The following CTTNBP2NL variants were observed in gnomAD, a reference collection of about 807,000 sequenced individuals.
CTTNBP2NL encodes the protein CTTNBP2 N-terminal like.
Under a neutral mutation model 32.5 loss-of-function variants are expected in CTTNBP2NL, and 16 were observed. That is an observed-to-expected ratio of 0.49 (90% CI 0.33 to 0.75). The LOEUF (loss-of-function observed/expected upper bound fraction) is 0.75, where lower values mean the gene tolerates loss of function less well. CTTNBP2NL is among the 30% of genes least tolerant of loss of function. The pLI is 0.02. For missense variants in CTTNBP2NL, 645 were observed against 756.0 expected, an observed-to-expected ratio of 0.85 and a Z score of 1.72; for synonymous variants, 298 against 289.4, an observed-to-expected ratio of 1.03 and a Z score of -0.30.
At chr1:112,451,447 T>A (rs1570745623) in intron 4 of CTTNBP2NL, among the ~76,000 whole-genome samples, 1 of 149,656 alleles carries the variant, frequency 6.7e-6, no homozygotes, top group Non-Finnish European at 1.5e-5. Flanking sequence ...TGTGCAGGAA[T>A]CAGGGTGAAG....
Position 112,435,185 on chromosome 1 carries a change from C to A in CTTNBP2NL, c.100-13757C>A, listed in dbSNP as rs964818768. Among the ~76,000 whole-genome samples, 7 of 145,292 alleles carry A rather than the reference C, an allele frequency of 4.8e-5. No homozygotes were observed. In the Admixed American group the frequency reaches 4.9e-4, roughly 10 times the overall value. On this transcript the variant is annotated intron_variant, in intron 3 of 5. Coordinates refer to ENST00000271277, the MANE Select transcript of CTTNBP2NL (RefSeq NM_018704.3). ...AAAAGAAGTGTACCCAATAAATGTT[C>A]ATAGAATTGAATCATACGTAACATG...
chr1:112,424,391 C>G (rs1015822597), intron 3 of CTTNBP2NL, among the ~76,000 whole-genome samples: 3 of 152,154 alleles, frequency 2.0e-5, no homozygotes, highest in Non-Finnish European at 4.4e-5. Context: ...TATTTGTCTA[C>G]CTTGATGCCA....
At chr1:112,410,939 A>C (rs557869234) in intron 1 of CTTNBP2NL, among the ~76,000 whole-genome samples, 1 of 152,340 alleles carries the variant, frequency 6.6e-6, no homozygotes, top group African/African-American at 2.4e-5. Context: ...GTAGGGAATG[A>C]GTCTATAGAC....
chr1:112,414,611 T>G (rs1475490267), intron 2 of CTTNBP2NL: 1 of 152,226 alleles, frequency 6.6e-6, no homozygotes, highest in African/African-American at 2.4e-5. Flanking sequence ...TCACTTTCCA[T>G]AAGAGTGGCA....
intron 1 of CTTNBP2NL, among the ~76,000 whole-genome samples, chr1:112,408,785 A>G (rs919167450): frequency 2.6e-4 from 39 of 152,268 alleles, no homozygotes; most frequent in African/African-American, 9.1e-4. Flanking sequence ...TTTGAGTTTT[A>G]AGAATTTACT....
intron 3 of CTTNBP2NL, among the ~76,000 whole-genome samples, chr1:112,433,516 C>G (rs1389112094): frequency 2.0e-5 from 3 of 152,104 alleles, no homozygotes; most frequent in Non-Finnish European, 4.4e-5. Flanking sequence ...GGCTTAAACC[C>G]GGGAGGCACA....
chr1:112,441,465 T>C (rs997494496), intron 3 of CTTNBP2NL, among the ~76,000 whole-genome samples: 1 of 152,244 alleles, frequency 6.6e-6, no homozygotes, highest in Non-Finnish European at 1.5e-5. Context: ...GATATCTGAT[T>C]ATTTCTAGTT....
intron 3 of CTTNBP2NL, among the ~76,000 whole-genome samples, chr1:112,425,995 G>GTGTT (rs1553225007): frequency 2.2e-5 from 3 of 135,860 alleles, no homozygotes; most frequent in African/African-American, 7.6e-5. Flanking sequence ...GTGTGTGTGT[G>GTGTT]TGTGTGTGTC....
intron 3 of CTTNBP2NL, among the ~76,000 whole-genome samples, chr1:112,444,976 C>T (rs1239905298): frequency 6.6e-6 from 1 of 152,116 alleles, no homozygotes; most frequent in East Asian, 1.9e-4. Context: ...GATGGTGTGT[C>T]ACTTCCAAGA....
chr1:112,424,110 TTTTTTG>T (rs1334644618), intron 3 of CTTNBP2NL, among the ~76,000 whole-genome samples: 7 of 152,302 alleles, frequency 4.6e-5, no homozygotes, highest in East Asian at 1.9e-4. Flanking sequence ...TTTCTCCTGT[TTTTTTG>T]TTTTTGTTTT....
intron 3 of CTTNBP2NL, among the ~76,000 whole-genome samples, chr1:112,425,725 T>A (rs1649373635): frequency 6.6e-6 from 1 of 150,378 alleles, no homozygotes; most frequent in South Asian, 2.1e-4. Flanking sequence ...TAGCTGGGTA[T>A]GGTAGCGTGC....
At chr1:112,453,007 C>T (rs1037752174) in intron 4 of CTTNBP2NL, among the ~76,000 whole-genome samples, 1 of 151,272 alleles carries the variant, frequency 6.6e-6, no homozygotes, top group African/African-American at 2.4e-5. Flanking sequence ...CTCAGCTGCT[C>T]AGGAGGCTGA....
At chr1:112,435,057 C>T (rs1649689898) in intron 3 of CTTNBP2NL, among the ~76,000 whole-genome samples, 1 of 148,472 alleles carries the variant, frequency 6.7e-6, no homozygotes, top group Admixed American at 6.9e-5. Flanking sequence ...GCAGGAGAAT[C>T]ACTTGAACCC....
At chr1:112,409,246 A>C (rs993344163) in intron 1 of CTTNBP2NL, among the ~76,000 whole-genome samples, 1 of 152,264 alleles carries the variant, frequency 6.6e-6, no homozygotes, top group South Asian at 2.1e-4. Context: ...GAATGACCTT[A>C]ATCTGAGTCA....
At position 112,418,227 on chromosome 1, in the gene CTTNBP2NL, A is replaced by G. The variant is rs115766864; in HGVS notation, c.99+1963A>G. Among the ~76,000 whole-genome samples, 525 of 152,254 alleles carry G rather than the reference A, an allele frequency of 3.4e-3. 3 individuals carry two copies. The highest frequency in any genetic ancestry group is 0.012 in the African/African-American group (488 of 41,560). On this transcript the variant is annotated intron_variant, in intron 3 of 5. Coordinates refer to ENST00000271277, the MANE Select transcript of CTTNBP2NL (RefSeq NM_018704.3). Reference sequence around the variant, plus strand: ...GAGTTTCTTTCAGGATATGTTGTAAAGTTCCCATAGGCTGTAAGTTGACCT... The same window carrying G: ...GAGTTTCTTTCAGGATATGTTGTAAGGTTCCCATAGGCTGTAAGTTGACCT...
rs547148281 is a variant in CTTNBP2NL, at chr1:112,458,489, C to T, written c.*1077C>T. ...CCTTTACATGTTTAACATACACACA[C>T]TTAAACACATAAATACTAGTGTGAT... On this transcript the variant is annotated 3_prime_UTR_variant, in exon 6 of 6. Transcript: ENST00000271277. The T allele has an allele frequency of 1.3e-5, 2 of 152,604 alleles. No homozygotes were observed. The highest frequency in any genetic ancestry group is 4.8e-5 in the African/African-American group (2 of 41,554). 9.5% of individuals were successfully genotyped at this position (152,604 alleles called of 1,614,324 possible).
At chr1:112,435,284 A>G (rs1777621) in intron 3 of CTTNBP2NL, among the ~76,000 whole-genome samples, 3,735 of 152,116 alleles carry the variant, frequency 0.025, 124 homozygotes, top group African/African-American at 0.08. Context: ...GATAAGCATC[A>G]CAGATTATAG....
At chr1:112,410,900 T>C (rs146763123) in intron 1 of CTTNBP2NL, among the ~76,000 whole-genome samples, 4 of 152,364 alleles carry the variant, frequency 2.6e-5, no homozygotes, top group Non-Finnish European at 5.9e-5. Context: ...ATGATGAAGA[T>C]GACAAGTGAC....
At chr1:112,401,018 G>T (rs1462556688) in intron 1 of CTTNBP2NL, among the ~76,000 whole-genome samples, 1 of 149,168 alleles carries the variant, frequency 6.7e-6, no homozygotes, top group Non-Finnish European at 1.5e-5. Flanking sequence ...ACACATACAC[G>T]TGCACATATC....
Sources: gnomAD v4.1 joint callset for allele counts (sites outside exome capture counted in the v4.1 genomes callset) on GRCh38, gnomAD v4.1.1 for gene constraint, MANE v1.5 for transcripts, NCBI Gene and HGNC (gene_info 2026-07-23, HGNC 2026-07-21) for gene names.